The following CHP1 variants were observed in gnomAD, a reference collection of about 807,000 sequenced individuals.
CHP1 encodes calcineurin like EF-hand protein 1, also known as calcineurin B homologous protein 1.
A neutral mutation model predicts 27.4 loss-of-function variants in CHP1; 11 were observed. The observed-to-expected ratio is 0.40, with a 90% CI of 0.25 to 0.67. CHP1 has a LOEUF of 0.67. CHP1 is among the 30% of genes least tolerant of loss of function. The probability of loss-of-function intolerance (pLI) is 0.38; values close to 1 mark genes in which losing one functional copy is unlikely to be tolerated. For missense variants in CHP1, 169 were observed against 251.3 expected (o/e 0.67, Z 2.22); for synonymous variants, 89 against 87.4 (o/e 1.02, Z -0.10).
At chr15:41,243,606 G>T in intron 1 of CHP1, 61 bp from the exon 2 acceptor site, 4 of 1,352,456 alleles carry the variant, frequency 3.0e-6, no homozygotes, top group East Asian at 2.3e-5. Flanking sequence ...ACAGCGAGGG[G>T]TGGGTTCAGT....
intron 2 of CHP1, among the ~76,000 whole-genome samples, chr15:41,246,553 C>G (rs970057979): frequency 6.8e-6 from 1 of 146,762 alleles, no homozygotes; most frequent in Non-Finnish European, 1.5e-5. Context: ...CTCCTGACCT[C>G]GTGATCCACC....
rs544423473 is a variant in CHP1 at position 41,265,052 on chromosome 15, C to G, written c.349+2169C>G. On this transcript the variant is annotated intron_variant, in intron 4 of 6. Transcript: ENST00000334660. ...CCTAGCAATACATTTGCCACTGAGA[C>G]ACATTTACCTTAGAGAAAGGGGATG... 2.6e-5 allele frequency among the ~76,000 whole-genome samples: 4 copies of G among 152,172 alleles called. No individual in the cohort carries two copies. The East Asian group carries it at 7.7e-4, about 29-fold the overall frequency.
intron 1 of CHP1, among the ~76,000 whole-genome samples, chr15:41,243,169 G>A (rs139917620): frequency 0.031 from 4,731 of 151,652 alleles, 267 homozygotes; most frequent in African/African-American, 0.11. Flanking sequence ...GCGAAACCCC[G>A]TCTCTACTAA....
At chr15:41,255,691 T>G (rs570977912) in intron 2 of CHP1, among the ~76,000 whole-genome samples, 57 of 151,556 alleles carry the variant, frequency 3.8e-4, no homozygotes, top group South Asian at 2.7e-3. Context: ...ATAAAGAATT[T>G]GGGGGAGAGT....
In CHP1 at chr15:41,273,476, A is replaced by G. The variant is rs56259552; in HGVS notation, c.411+2858A>G. Reference sequence around the variant, plus strand: ...AGCTCACTGTAACATCCGCCTCCCAAGTTCAAGCGATTCTCCTGACTCAGC... The same window carrying G: ...AGCTCACTGTAACATCCGCCTCCCAGGTTCAAGCGATTCTCCTGACTCAGC... On this transcript the variant is annotated intron_variant, in intron 5 of 6. Coordinates refer to ENST00000334660, the MANE Select transcript of CHP1 (RefSeq NM_007236.5). Among the ~76,000 whole-genome samples the G allele has an allele frequency of 2.0e-5, 3 of 152,050 alleles. No homozygotes were observed. The East Asian group carries it at 5.8e-4, about 30-fold the overall frequency.
intron 4 of CHP1, chr15:41,264,181 T>C (rs1432987988): frequency 7.8e-7 from 1 of 1,286,560 alleles, no homozygotes; most frequent in Non-Finnish European, 1.0e-6. Context: ...AAGAGAGATA[T>C]ATATAGAGAG....
At chr15:41,256,809 A>T (rs2047402775) in intron 2 of CHP1, 101 bp from the exon 3 acceptor site, 1 of 885,718 alleles carries the variant, frequency 1.1e-6, no homozygotes, top group Admixed American at 1.9e-5. Context: ...AAATTCCAGG[A>T]GGTAATATTC....
At chr15:41,253,922 C>G (rs989477913) in intron 2 of CHP1, among the ~76,000 whole-genome samples, 1 of 151,522 alleles carries the variant, frequency 6.6e-6, no homozygotes, top group Non-Finnish European at 1.5e-5. Flanking sequence ...GTAGCTGGGA[C>G]TACAGGCACG....
intron 2 of CHP1, among the ~76,000 whole-genome samples, chr15:41,247,984 T>A (rs981080627): frequency 4.3e-5 from 6 of 138,058 alleles, no homozygotes; most frequent in Admixed American, 2.9e-4. Flanking sequence ...AAAAAATAAA[T>A]AAATAAAATA....
intron 1 of CHP1, among the ~76,000 whole-genome samples, chr15:41,242,289 C>T (rs1348112235): frequency 1.3e-5 from 2 of 152,156 alleles, no homozygotes; most frequent in Non-Finnish European, 2.9e-5. Context: ...GCCTTTAATG[C>T]TTGGTGTAGG....
intron 4 of CHP1, chr15:41,264,017 G>C (rs1032911158): frequency 1.3e-5 from 5 of 390,122 alleles, no homozygotes; most frequent in Non-Finnish European, 2.4e-5. Context: ...AGATTAGGCC[G>C]GCAGGAGGGT....
chr15:41,269,138 G>A (rs1033679844), intron 4 of CHP1, among the ~76,000 whole-genome samples: 4 of 151,984 alleles, frequency 2.6e-5, no homozygotes, highest in African/African-American at 7.3e-5. Context: ...GGGAGGTTGA[G>A]GCTGTAGTGA....
chr15:41,281,859 A>G lies in CHP1; in HGVS notation c.*2470A>G, dbSNP rs2047548748. On this transcript the variant is annotated 3_prime_UTR_variant, in exon 7 of 7. Coordinates refer to ENST00000334660, the MANE Select transcript of CHP1 (RefSeq NM_007236.5). ...TCCATTAAAATTGTATCTTCGATCC[A>G]TCAATAAATACTTGTGGTTGAAACA... 6.6e-6 allele frequency: 1 copy of G among 152,638 alleles called. No individual in the cohort carries two copies. The highest frequency in any genetic ancestry group is 1.5e-5 in the Non-Finnish European group (1 of 68,042). The allele number at this position is 152,638 out of a possible 1,614,324, so 9.5% of individuals were successfully genotyped here.
At position 41,251,656 on chromosome 15, in the gene CHP1, C is replaced by T. The variant is rs532212174; in HGVS notation, c.141-5254C>T. Among the ~76,000 whole-genome samples the T allele has an allele frequency of 1.4e-4, 22 of 152,284 alleles. No homozygotes were observed. In the South Asian group the frequency reaches 4.6e-3, roughly 32 times the overall value. On this transcript the variant is annotated intron_variant, in intron 2 of 6. Coordinates refer to ENST00000334660, the MANE Select transcript of CHP1 (RefSeq NM_007236.5). ...GAACTGCCCATGTGAGGGATCTAGA[C>T]TGAGTGCTCCTTATGAGAATCTAAT... is the stretch of plus-strand genomic sequence containing the variant.
chr15:41,238,324 ATGAT>A (rs1037231035), intron 1 of CHP1, among the ~76,000 whole-genome samples: 1 of 151,806 alleles, frequency 6.6e-6, no homozygotes, highest in East Asian at 2.0e-4. Flanking sequence ...TGCCCAGCTA[ATGAT>A]TGATTGATTG....
At chr15:41,261,137 T>TCCTTTCCTTTC (rs1235647353) in intron 3 of CHP1, among the ~76,000 whole-genome samples, 4 of 150,042 alleles carry the variant, frequency 2.7e-5, no homozygotes, top group African/African-American at 7.4e-5. Context: ...TCCTTCCTTT[T>TCCTTTCCTTTC]CCTTTCCTTT....
At chr15:41,245,663 A>G (rs1043275702) in intron 2 of CHP1, among the ~76,000 whole-genome samples, 2 of 152,224 alleles carry the variant, frequency 1.3e-5, no homozygotes, top group Non-Finnish European at 2.9e-5. Context: ...TGAGTATTGC[A>G]AATAGTGTTG....
chr15:41,275,642 G>C (rs2047515551), intron 5 of CHP1, among the ~76,000 whole-genome samples: 2 of 152,062 alleles, frequency 1.3e-5, no homozygotes, highest in Non-Finnish European at 2.9e-5. Context: ...CATGATCATA[G>C]CACACTGCAG....
intron 1 of CHP1, among the ~76,000 whole-genome samples, chr15:41,231,723 T>G (rs146439450): frequency 6.6e-6 from 1 of 152,120 alleles, no homozygotes; most frequent in African/African-American, 2.4e-5. Flanking sequence ...ACCCTGCCCA[T>G]CAAAGTCCCC....
Sources: gnomAD v4.1 joint callset for allele counts (sites outside exome capture counted in the v4.1 genomes callset) on GRCh38, gnomAD v4.1.1 for gene constraint, MANE v1.5 for transcripts, NCBI Gene and HGNC (gene_info 2026-07-23, HGNC 2026-07-21) for gene names.